Variants in NT5DC1 observed in about 807,000 individuals in gnomAD.
The protein encoded by NT5DC1 is 5'-nucleotidase domain containing 1.
In NT5DC1, 42 loss-of-function variants were observed where a neutral mutation model predicts 59.4. The ratio of observed to expected loss-of-function variants is 0.71; its 90% confidence interval spans 0.55 to 0.92. NT5DC1 has a LOEUF of 0.92. Ranked by LOEUF, NT5DC1 falls within the 40% of genes least tolerant of loss-of-function variation. The pLI is 0.00. For synonymous variants in NT5DC1, 172 were observed against 188.1 expected (o/e 0.91, Z 0.70); for missense variants, 501 against 537.1 (o/e 0.93, Z 0.66).
At chr6:116,126,489 G>A (rs1269568620) in intron 6 of NT5DC1, among the ~76,000 whole-genome samples, 4 of 151,988 alleles carry the variant, frequency 2.6e-5, no homozygotes, top group Non-Finnish European at 5.9e-5. Context: ...TATAATATGT[G>A]GTAGTACATA....
At chr6:116,201,778 T>C (rs1781352508) in intron 6 of NT5DC1, among the ~76,000 whole-genome samples, 1 of 151,864 alleles carries the variant, frequency 6.6e-6, no homozygotes, top group African/African-American at 2.4e-5. Flanking sequence ...CTGGGCAGAG[T>C]ATTTCCCCTT....
rs1771907648 is a variant in NT5DC1, at chr6:116,249,443, A to G, written c.*5419A>G. 1 of 152,214 alleles carries G rather than the reference A, an allele frequency of 6.6e-6. No homozygotes were observed. The highest frequency in any genetic ancestry group is 2.1e-4 in the South Asian group (1 of 4,834). 9.4% of individuals were successfully genotyped at this position (152,214 alleles called of 1,614,324 possible). ...TATTTATCCAATAAACTTTCATGTA[A>G]TTGCTGCTATACAGCAAAACTATCA... is the stretch of plus-strand genomic sequence containing the variant. On this transcript the variant is annotated 3_prime_UTR_variant, in exon 12 of 12. Coordinates refer to ENST00000319550, the MANE Select transcript of NT5DC1 (RefSeq NM_152729.3).
chr6:116,102,671 A>G (rs1474096669), intron 1 of NT5DC1, among the ~76,000 whole-genome samples: 1 of 152,250 alleles, frequency 6.6e-6, no homozygotes, highest in Non-Finnish European at 1.5e-5. Context: ...AGTGATGTTT[A>G]AAGCTTGAAA....
intron 6 of NT5DC1, among the ~76,000 whole-genome samples, chr6:116,154,029 C>CTT (rs34356532): frequency 9.0e-5 from 11 of 122,336 alleles, no homozygotes; most frequent in South Asian, 8.2e-4. Context: ...GGGAAGATTT[C>CTT]TTTTTTTTTT....
intron 6 of NT5DC1, among the ~76,000 whole-genome samples, chr6:116,208,242 G>T (rs753594016): frequency 6.6e-6 from 1 of 151,876 alleles, no homozygotes; most frequent in Non-Finnish European, 1.5e-5. Context: ...TGCTTTGCCC[G>T]GAGGCATCCC....
chr6:116,115,763 T>A lies in NT5DC1; in HGVS notation c.437T>A (p.Leu146Ter). The A allele has an allele frequency of 6.4e-7, 1 of 1,556,390 alleles. No homozygotes were observed. Among genetic ancestry groups the A allele is most frequent in the South Asian group, 1.1e-5 (1 of 89,756 alleles). The stretch of plus-strand genomic sequence containing the variant: ...CTGTGTGCCAGGGTGGTGGACTATT[T>A]AACAAAAGTAAGTGGGGACTCATTT... ...ALLCARVVDY[L>*]TKLNNGQKTF... The change falls in exon 5 of 12, where the codon TTA (leucine) becomes TAA (stop). Residue 146 changes from leucine to a stop codon, truncating the protein, a stop_gained. Transcript: ENST00000319550. LOFTEE classifies it high-confidence loss of function.
intron 6 of NT5DC1, among the ~76,000 whole-genome samples, chr6:116,122,829 CTAAT>C (rs986366898): frequency 2.0e-5 from 3 of 151,668 alleles, no homozygotes; most frequent in Non-Finnish European, 1.5e-5. Flanking sequence ...TTTTTTTTTA[CTAAT>C]TAGAGTTATA....
intron 4 of NT5DC1, among the ~76,000 whole-genome samples, chr6:116,113,200 G>T (rs1018522936): frequency 6.6e-6 from 1 of 152,208 alleles, no homozygotes; most frequent in African/African-American, 2.4e-5. Flanking sequence ...TGGATAAAGT[G>T]TCTCTGGTAC....
chr6:116,180,454 G>C (rs1415580579), intron 6 of NT5DC1, among the ~76,000 whole-genome samples: 1 of 152,078 alleles, frequency 6.6e-6, no homozygotes, highest in Admixed American at 6.6e-5. Context: ...GACCTAGGTA[G>C]TGATCATTAA....
intron 1 of NT5DC1, among the ~76,000 whole-genome samples, chr6:116,103,946 A>G (rs1378294103): frequency 6.6e-6 from 1 of 152,206 alleles, no homozygotes; most frequent in Non-Finnish European, 1.5e-5. Flanking sequence ...AGGCATTTTT[A>G]AATTTTATCT....
intron 6 of NT5DC1, among the ~76,000 whole-genome samples, chr6:116,188,222 G>C (rs1781042997): frequency 6.6e-6 from 1 of 152,036 alleles, no homozygotes; most frequent in South Asian, 2.1e-4. Context: ...GAAGCAAAGA[G>C]AACCCTTAAA....
intron 2 of NT5DC1, 28 bp downstream of exon 2, chr6:116,106,363 A>G: frequency 1.2e-6 from 1 of 825,710 alleles, no homozygotes; most frequent in Non-Finnish European, 2.0e-6. Context: ...TTTTTTTTTT[A>G]AGTCTGTACA....
chr6:116,245,693 C>T lies in NT5DC1; in HGVS notation c.*1669C>T, dbSNP rs374643043. The T allele has an allele frequency of 3.7e-4, 56 of 152,152 alleles. No homozygotes were observed. The East Asian group carries it at 9.3e-3, about 25-fold the overall frequency. 9.4% of individuals were successfully genotyped at this position (152,152 alleles called of 1,614,324 possible). On this transcript the variant is annotated 3_prime_UTR_variant, in exon 12 of 12. Transcript: ENST00000319550. ...AAAAATAAAGCTATCTTTCCTTATC[C>T]ATGTTTACTCTGTAAATGGCAAATA... is the stretch of plus-strand genomic sequence containing the variant.
intron 6 of NT5DC1, among the ~76,000 whole-genome samples, chr6:116,134,479 T>G (rs1189662361): frequency 2.6e-5 from 4 of 152,212 alleles, no homozygotes; most frequent in African/African-American, 9.7e-5. Flanking sequence ...ATACAAGTAG[T>G]GCCTGTTATA....
At chr6:116,158,157 CAAAT>C (rs1458704196) in intron 6 of NT5DC1, among the ~76,000 whole-genome samples, 1 of 152,130 alleles carries the variant, frequency 6.6e-6, no homozygotes, top group Non-Finnish European at 1.5e-5. Context: ...GTTTTTATTA[CAAAT>C]AAATCTACAT....
chr6:116,106,918 C>T (rs536712416), intron 2 of NT5DC1, among the ~76,000 whole-genome samples: 4 of 152,034 alleles, frequency 2.6e-5, no homozygotes, highest in Non-Finnish European at 5.9e-5. Context: ...GCCAGGCAGG[C>T]GTGGTGGCAA....
chr6:116,112,065 A>T (rs749923020), intron 4 of NT5DC1, among the ~76,000 whole-genome samples: 36 of 152,248 alleles, frequency 2.4e-4, no homozygotes, highest in Non-Finnish European at 3.1e-4. Flanking sequence ...CTAAAAGAGC[A>T]TTCACTCAGT....
chr6:116,241,917 C>CT (rs1771731503), intron 11 of NT5DC1, among the ~76,000 whole-genome samples: 1 of 87,446 alleles, frequency 1.1e-5, no homozygotes, highest in Non-Finnish European at 2.1e-5. Flanking sequence ...AGCAAGACTC[C>CT]GTCTCAAAAA....
At chr6:116,218,474 C>T (rs913197641) in intron 6 of NT5DC1, among the ~76,000 whole-genome samples, 3 of 152,036 alleles carry the variant, frequency 2.0e-5, no homozygotes, top group Non-Finnish European at 1.5e-5. Flanking sequence ...CATCTGACTC[C>T]CTTAGGTATA....
Sources: gnomAD v4.1 joint callset for allele counts (sites outside exome capture counted in the v4.1 genomes callset) on GRCh38, gnomAD v4.1.1 for gene constraint, MANE v1.5 for transcripts, NCBI Gene and HGNC (gene_info 2026-07-23, HGNC 2026-07-21) for gene names.